Variants in FADS2 observed in about 807,000 individuals in gnomAD.
The protein encoded by FADS2 is acyl-CoA 6-desaturase.
Under a neutral mutation model 61.2 loss-of-function variants are expected in FADS2, and 18 were observed. The observed-to-expected ratio is 0.29, with a 90% CI of 0.20 to 0.44. FADS2 has a LOEUF of 0.44. Among genes scored for constraint, FADS2 ranks in the 20% least tolerant of loss-of-function variants. The pLI, the probability that FADS2 is intolerant of heterozygous loss-of-function variation, is 1.00. For missense variants in FADS2, 322 were observed against 572.7 expected (o/e 0.56, Z 4.47); for synonymous variants, 203 against 223.9 (o/e 0.91, Z 0.83).
At chr11:61,845,498 A>C (rs1473151761) in intron 4 of FADS2, among the ~76,000 whole-genome samples, 2 of 152,178 alleles carry the variant, frequency 1.3e-5, no homozygotes, top group Admixed American at 6.5e-5. Context: ...CTGGCAAAGA[A>C]GAATGGAAGA....
intron 1 of FADS2, among the ~76,000 whole-genome samples, chr11:61,820,860 A>G (rs2067031793): frequency 6.6e-6 from 1 of 152,140 alleles, no homozygotes; most frequent in Admixed American, 6.5e-5. Flanking sequence ...AGATTGCACC[A>G]CTGCACTCCA....
rs2067102505 is a variant in FADS2 at position 61,828,635 on chromosome 11, T to C, written c.207+38T>C. 6.4e-7 allele frequency: 1 copy of C among 1,571,914 alleles called. No individual in the cohort carries two copies. ...GGGCGCCCCAGCCACCCTTCTCTGC[T>C]GCAGGCGGAGTCAGGATCCCTGGCT... On this transcript the variant is annotated intron_variant, in intron 1 of 11. Coordinates refer to ENST00000278840, the MANE Select transcript of FADS2 (RefSeq NM_004265.4). This position sits in a 1 kb window ranked among gnomAD's most constrained non-coding sequence, Gnocchi z 6.4.
At chr11:61,851,578 G>C (rs1418571421) in intron 5 of FADS2, among the ~76,000 whole-genome samples, 2 of 152,212 alleles carry the variant, frequency 1.3e-5, no homozygotes, top group Non-Finnish European at 2.9e-5. Flanking sequence ...AAGGAACCCT[G>C]GTCTCTTGAC....
At position 61,866,167 on chromosome 11, in the gene FADS2, C is replaced by A; in HGVS notation, c.*478C>A. ...GCCCCTGACCCTCCCGGCCTGGCTT[C>A]ACTCTCCCTGACGGCTGCCATTGGT... On this transcript the variant is annotated 3_prime_UTR_variant, in exon 12 of 12. Transcript: ENST00000278840. 2.5e-6 allele frequency: 1 copy of A among 398,600 alleles called. No individual in the cohort carries two copies. The highest frequency in any genetic ancestry group is 3.5e-5 in the East Asian group (1 of 28,170). 24.7% of individuals were successfully genotyped at this position (398,600 alleles called of 1,614,324 possible).
At chr11:61,831,424 C>T (rs926190274) in intron 1 of FADS2, among the ~76,000 whole-genome samples, 6 of 152,222 alleles carry the variant, frequency 3.9e-5, no homozygotes, top group South Asian at 2.1e-4. Flanking sequence ...GGAAACAGGT[C>T]GGAAGTCAAG....
intron 7 of FADS2, among the ~76,000 whole-genome samples, chr11:61,861,270 T>C (rs1591181215): frequency 7.0e-6 from 1 of 143,286 alleles, no homozygotes; most frequent in African/African-American, 2.6e-5. Context: ...AGGAGAATGG[T>C]ATGAACCCAG....
chr11:61,842,734 A>G (rs539925047), intron 4 of FADS2, among the ~76,000 whole-genome samples: 5 of 152,008 alleles, frequency 3.3e-5, no homozygotes, highest in South Asian at 4.2e-4. Context: ...TGGCTCACTC[A>G]GGGGTGCCCC....
At chr11:61,837,717 T>C in intron 1 of FADS2, 61 bp from the exon 2 acceptor site, 4 of 1,207,228 alleles carry the variant, frequency 3.3e-6, no homozygotes, top group East Asian at 5.1e-5. Context: ...ACTGTCCTCC[T>C]TGGGGCCCAA....
chr11:61,859,902 C>T (rs938942326), intron 7 of FADS2, among the ~76,000 whole-genome samples: 3 of 152,258 alleles, frequency 2.0e-5, no homozygotes, highest in African/African-American at 7.2e-5. Context: ...AGGAGAATTG[C>T]TTGAACCCGG....
chr11:61,862,662 T>A, intron 7 of FADS2: 1 of 375,340 alleles, frequency 2.7e-6, no homozygotes, highest in Non-Finnish European at 4.9e-6. Flanking sequence ...GAATCGCCCT[T>A]GCCCCACGAG....
At chr11:61,840,266 G>A in intron 2 of FADS2, 68 bp from the exon 3 acceptor site, 1 of 1,340,846 alleles carries the variant, frequency 7.5e-7, no homozygotes, top group Non-Finnish European at 1.1e-6. Context: ...TGAAATGGCA[G>A]CTCGAGACAT....
In FADS2 at chr11:61,865,287, G is replaced by A. The variant is rs367666621; in HGVS notation, c.1283+10G>A. On this transcript the variant is annotated intron_variant, in intron 11 of 11. Coordinates refer to ENST00000278840, the MANE Select transcript of FADS2 (RefSeq NM_004265.4). This position sits in a 1 kb window ranked among gnomAD's most constrained non-coding sequence, Gnocchi z 4.1. ...TGCTGGACATCATCAGGTGAGGGGT[G>A]GAGGTCCACAGGCGCTGGGCCCTGG... 2 of 1,612,332 alleles carry A rather than the reference G, an allele frequency of 1.2e-6. No homozygotes were observed. The highest frequency in any genetic ancestry group is 2.2e-5 in the East Asian group (1 of 44,876).
chr11:61,816,641 G>C lies in FADS2; in HGVS notation c.141+215G>C. The stretch of plus-strand genomic sequence containing the variant: ...AACTCGCTGATGTTGTACACCTTAC[G>C]GTCGATCACTAGCCACCGCTCCTCG... On this transcript the variant is annotated intron_variant, in intron 1 of 11. Coordinates refer to the FADS2 transcript ENST00000257261. This position sits in a 1 kb window ranked among gnomAD's most constrained non-coding sequence, Gnocchi z 7.0. 2 of 1,603,956 alleles carry C rather than the reference G, an allele frequency of 1.2e-6. No homozygotes were observed. The highest frequency in any genetic ancestry group is 1.7e-6 in the Non-Finnish European group (2 of 1,176,166).
At chr11:61,856,873 A>C (rs1158878318) in intron 5 of FADS2, 138 bp from the exon 6 acceptor site, 1 of 747,440 alleles carries the variant, frequency 1.3e-6, no homozygotes, top group African/African-American at 1.7e-5. Flanking sequence ...TGGTGGGCCC[A>C]GGGTGCAGAT....
chr11:61,849,141 T>C (rs2067285608), intron 5 of FADS2, among the ~76,000 whole-genome samples: 1 of 152,214 alleles, frequency 6.6e-6, no homozygotes, highest in Non-Finnish European at 1.5e-5. Flanking sequence ...ATGATCTGCC[T>C]GCCTCGGCTT....
At chr11:61,820,849 G>A (rs1163485997) in intron 1 of FADS2, among the ~76,000 whole-genome samples, 3 of 152,068 alleles carry the variant, frequency 2.0e-5, no homozygotes, top group Non-Finnish European at 4.4e-5. Context: ...GCAGTGAGCC[G>A]AGATTGCACC....
At chr11:61,823,991 C>T (rs562069847), upstream of FADS2, among the ~76,000 whole-genome samples, 5 of 152,222 alleles carry the variant, frequency 3.3e-5, no homozygotes, top group African/African-American at 1.2e-4. Context: ...AAAGTTTGAC[C>T]TCACCAATAT....
At chr11:61,863,248 G>C in intron 8 of FADS2, 34 bp from the exon 9 acceptor site, 1 of 1,564,722 alleles carries the variant, frequency 6.4e-7, no homozygotes, top group East Asian at 2.2e-5. Flanking sequence ...CTGGGCCCCC[G>C]GAGGCCCCTG....
chr11:61,853,205 A>G (rs142090948), intron 5 of FADS2, among the ~76,000 whole-genome samples: 64 of 151,692 alleles, frequency 4.2e-4, no homozygotes, highest in Admixed American at 1.8e-3. Context: ...CAAACAGAAA[A>G]AAAGTGTAGT....
Sources: gnomAD v4.1 joint callset for allele counts (sites outside exome capture counted in the v4.1 genomes callset) on GRCh38, gnomAD v4.1.1 for gene constraint, Gnocchi (gnomAD v3.1) non-coding constraint, MANE v1.5 for transcripts, NCBI Gene and HGNC (gene_info 2026-07-23, HGNC 2026-07-21) for gene names.